The following ARAP2 variants were observed in gnomAD, a reference collection of about 807,000 sequenced individuals.
The protein encoded by ARAP2 is arf-GAP with Rho-GAP domain, ANK repeat and PH domain-containing protein 2.
In ARAP2, 148 loss-of-function variants were observed where a neutral mutation model predicts 194.5. That is an observed-to-expected ratio of 0.76 (90% confidence interval 0.67 to 0.87). ARAP2 has a LOEUF of 0.87. Among genes scored for constraint, ARAP2 ranks in the 40% least tolerant of loss-of-function variants. ARAP2 has a pLI of 0.00. For missense variants in ARAP2, 2,128 were observed against 1,989.7 expected (o/e 1.07, Z -1.32); for synonymous variants, 695 against 683.5 (o/e 1.02, Z -0.26).
At chr4:36,199,137 C>G (rs1329376839) in intron 6 of ARAP2, among the ~76,000 whole-genome samples, 1 of 152,242 alleles carries the variant, frequency 6.6e-6, no homozygotes, top group Non-Finnish European at 1.5e-5. Context: ...CTGGCCACAC[C>G]TCTCTGCTGC....
chr4:36,021,111 A>C (rs1012949709), intron 5 of ARAP2, among the ~76,000 whole-genome samples: 2 of 152,212 alleles, frequency 1.3e-5, no homozygotes, highest in African/African-American at 4.8e-5. Flanking sequence ...AATTGTGCTT[A>C]TGCAGCTATT....
intron 28 of ARAP2, 116 bp downstream of exon 28, chr4:36,091,765 C>T (rs540747140): frequency 8.9e-7 from 1 of 1,118,652 alleles, no homozygotes; most frequent in Non-Finnish European, 1.2e-6. Context: ...CATCAGCTTA[C>T]CATGCATTTT....
chr4:36,165,956 T>C (rs1485262184), intron 10 of ARAP2, among the ~76,000 whole-genome samples: 1 of 152,170 alleles, frequency 6.6e-6, no homozygotes, highest in Non-Finnish European at 1.5e-5. Context: ...ACATGAATTA[T>C]ACTTTTTGAA....
chr4:36,222,184 A>T (rs1265989390), intron 2 of ARAP2, among the ~76,000 whole-genome samples: 1 of 152,088 alleles, frequency 6.6e-6, no homozygotes, highest in Non-Finnish European at 1.5e-5. Flanking sequence ...ACATTTATTA[A>T]AGGGGGGAAA....
In ARAP2 at chr4:36,148,468, A is replaced by C; in HGVS notation, c.2937T>G (p.Arg979=). ...FIFEIYLPSE[R]VFLFGAETSQ... is the part of the protein sequence containing the mutation. ...ATGTTTCAGCTCCAAATAAAAACAC[A>C]CGTTCGGAGGGTAAGTAGATCTCAA... The change falls in exon 17 of 33, where the codon CGT becomes CGG. Residue 979 remains arginine, a synonymous_variant. Coordinates refer to ENST00000303965, the MANE Select transcript of ARAP2 (RefSeq NM_015230.4). 6.2e-7 allele frequency: 1 copy of C among 1,613,316 alleles called. No homozygotes were observed. Among genetic ancestry groups the C allele is most frequent in the Non-Finnish European group, 8.5e-7 (1 of 1,179,504 alleles).
At chr4:36,162,024 C>T (rs549813094) in intron 11 of ARAP2, among the ~76,000 whole-genome samples, 4 of 151,228 alleles carry the variant, frequency 2.6e-5, no homozygotes, top group Non-Finnish European at 4.4e-5. Context: ...AGGAGAATGG[C>T]GTGAACCCGG....
chr4:36,111,245 C>G (rs1269686233), intron 26 of ARAP2, among the ~76,000 whole-genome samples: 1 of 151,866 alleles, frequency 6.6e-6, no homozygotes, highest in Non-Finnish European at 1.5e-5. Flanking sequence ...CAACTACAAC[C>G]TTCTTACTAC....
At chr4:36,206,067 G>A (rs888923310) in intron 6 of ARAP2, among the ~76,000 whole-genome samples, 1 of 152,178 alleles carries the variant, frequency 6.6e-6, no homozygotes, top group Non-Finnish European at 1.5e-5. Flanking sequence ...TGCAACACCT[G>A]CCTTCACCGC....
chr4:36,133,058 TG>T (rs1725801596), intron 20 of ARAP2, among the ~76,000 whole-genome samples, 167 bp downstream of exon 20: 1 of 151,780 alleles, frequency 6.6e-6, no homozygotes. Context: ...TGAGTCTTAT[TG>T]GGAGAAGGAA....
At chr4:36,013,703 T>C (rs1714993340) in intron 8 of ARAP2, among the ~76,000 whole-genome samples, 1 of 152,080 alleles carries the variant, frequency 6.6e-6, no homozygotes, top group African/African-American at 2.4e-5. Flanking sequence ...AATAATAACC[T>C]ACCCAGAGAT....
Position 36,229,356 on chromosome 4 carries a change from C to T in ARAP2, c.131G>A (p.Ser44Asn), listed in dbSNP as rs1367491984. The change falls in exon 2 of 33, where the codon AGC (serine) becomes AAC (asparagine). Residue 44 changes from serine (S) to asparagine (N), a missense_variant. Transcript: ENST00000303965. ...TGATATTCCAATTTTCTGCAGCAGG[C>T]TGTCATTTATTGCTGCACAGTCCTT... ...TVKDCAAIND[S>N]LLQKIGISPT... The T allele has an allele frequency of 7.4e-6, 12 of 1,614,064 alleles. No individual in the cohort carries two copies. In the East Asian group the frequency reaches 2.0e-4, roughly 27 times the overall value.
chr4:36,036,464 A>G (rs1028303971), intron 5 of ARAP2, among the ~76,000 whole-genome samples: 4 of 152,062 alleles, frequency 2.6e-5, no homozygotes, highest in Non-Finnish European at 4.4e-5. Context: ...AATTTATTAC[A>G]TTCTTCAAAA....
intron 6 of ARAP2, among the ~76,000 whole-genome samples, chr4:36,199,234 C>T (rs184298960): frequency 1.3e-5 from 2 of 152,344 alleles, no homozygotes; most frequent in Admixed American, 1.3e-4. Context: ...TAAGAGCCTA[C>T]AGAAAGCTTG....
chr4:36,201,979 C>T (rs566416361), intron 6 of ARAP2, among the ~76,000 whole-genome samples: 14 of 152,200 alleles, frequency 9.2e-5, no homozygotes, highest in South Asian at 2.1e-4. Flanking sequence ...TTAATCCTGC[C>T]ATTTAAGGCA....
rs137891874 is a variant in ARAP2, at chr4:36,017,677, C to A, written n.750+1467G>T. ...TTCCTATACCCCTGGGACAGTAAAT[C>A]TCATGACTGCAGTGTAGTGAGAGAA... On this transcript the variant is annotated intron_variant and non_coding_transcript_variant, in intron 6 of 12. Coordinates refer to the ARAP2 transcript ENST00000503225. 3.6e-4 allele frequency among the ~76,000 whole-genome samples: 53 copies of A among 146,926 alleles called. No homozygotes were observed. In the East Asian group the frequency reaches 7.4e-3, roughly 20 times the overall value.
chr4:36,237,153 G>A (rs192256723), intron 1 of ARAP2, among the ~76,000 whole-genome samples: 2 of 152,318 alleles, frequency 1.3e-5, no homozygotes, highest in Non-Finnish European at 2.9e-5. Flanking sequence ...ATTGTTGCAT[G>A]TATCATTGTA....
intron 12 of ARAP2, 41 bp downstream of exon 12, chr4:36,161,424 G>T: frequency 6.5e-7 from 1 of 1,528,880 alleles, no homozygotes; most frequent in Non-Finnish European, 9.1e-7. Context: ...TCTGCAAACT[G>T]AACCCCTATC....
At chr4:36,015,244 T>C (rs1327551054) in intron 8 of ARAP2, 1 of 152,224 alleles carries the variant, frequency 6.6e-6, no homozygotes, top group Non-Finnish European at 1.5e-5. Context: ...ACATAAATGA[T>C]GAATAACCTG....
intron 12 of ARAP2, 36 bp downstream of exon 12, chr4:36,161,429 C>T (rs747440887): frequency 5.1e-6 from 8 of 1,554,772 alleles, no homozygotes; most frequent in Admixed American, 5.0e-5. Flanking sequence ...AAACTGAACC[C>T]CTATCACAAC....
Sources: allele counts gnomAD v4.1 joint callset (sites outside exome capture counted in the v4.1 genomes callset), GRCh38; gene constraint gnomAD v4.1.1; transcripts MANE v1.5; gene names NCBI Gene and HGNC (gene_info 2026-07-23, HGNC 2026-07-21).